SOCS6: variants seen among roughly 807,000 people sequenced by gnomAD.
The protein encoded by SOCS6 is STAT induced STAT inhibitor-4.
Under a neutral mutation model 27.7 loss-of-function variants are expected in SOCS6, and 5 were observed. The ratio of observed to expected loss-of-function variants is 0.18; its 90% CI spans 0.09 to 0.38. The LOEUF is 0.38. Ranked by LOEUF, SOCS6 falls within the 10% of genes least tolerant of loss-of-function variation. The probability of loss-of-function intolerance (pLI) is 1.00; values close to 1 mark genes in which losing one functional copy is unlikely to be tolerated. For missense variants in SOCS6, 595 were observed against 688.1 expected, an observed-to-expected ratio of 0.86 and a Z score of 1.51; for synonymous variants, 271 against 260.0, an observed-to-expected ratio of 1.04 and a Z score of -0.41.
At chr18:70,307,294 C>G (rs1283399984) in intron 1 of SOCS6, among the ~76,000 whole-genome samples, 4 of 152,148 alleles carry the variant, frequency 2.6e-5, no homozygotes, top group Admixed American at 6.6e-5. Context: ...TATCAGTGTT[C>G]ATGATGGATA....
intron 1 of SOCS6, among the ~76,000 whole-genome samples, chr18:70,317,284 T>C (rs961896812): frequency 1.3e-5 from 2 of 152,302 alleles, no homozygotes; most frequent in South Asian, 4.1e-4. Context: ...CTCGCACTTA[T>C]AAGTGAGAAC....
intron 1 of SOCS6, among the ~76,000 whole-genome samples, chr18:70,320,092 A>G (rs1234739773): frequency 6.6e-6 from 1 of 152,020 alleles, no homozygotes; most frequent in Non-Finnish European, 1.5e-5. Flanking sequence ...CCTGGGCTCA[A>G]GTGATTCTCC....
At position 70,325,929 on chromosome 18, in the gene SOCS6, A is replaced by G; in HGVS notation, c.1261A>G (p.Ser421Gly). ...TGACGACCGTTACCTTTTAAGCTTG[A>G]GCTTTCGCTCCCATGGTAAAACACT... ...SSDDRYLLSL[S>G]FRSHGKTLHT... Residue 421 changes from serine (S) to glycine (G), a missense_variant, in exon 2 of 2, where the codon AGC becomes GGC. Ser to Gly is a moderately conservative substitution (Grantham distance 56). Coordinates refer to ENST00000397942, the MANE Select transcript of SOCS6 (RefSeq NM_004232.4). The surrounding 1 kb of genome is among the most constrained non-coding windows in gnomAD (Gnocchi z 6.3). 1 of 1,614,198 alleles carries G rather than the reference A, an allele frequency of 6.2e-7. No homozygotes were observed.
intron 1 of SOCS6, 21 bp from the exon 2 acceptor site, chr18:70,324,522 T>C (rs1911111257): frequency 3.4e-6 from 2 of 588,290 alleles, no homozygotes; most frequent in Non-Finnish European, 5.8e-6. Context: ...ATATGACTCT[T>C]TTTATATTTT....
intron 1 of SOCS6, among the ~76,000 whole-genome samples, chr18:70,322,855 G>T (rs762355240): frequency 6.6e-6 from 1 of 152,100 alleles, no homozygotes; most frequent in Non-Finnish European, 1.5e-5. Flanking sequence ...CACACCACCC[G>T]AATCCTATCT....
intron 1 of SOCS6, among the ~76,000 whole-genome samples, chr18:70,317,044 T>A (rs1448518524): frequency 6.6e-6 from 1 of 152,232 alleles, no homozygotes; most frequent in Non-Finnish European, 1.5e-5. Context: ...GGAATTTACT[T>A]ATTTTTTATA....
At chr18:70,290,628 G>A (rs1038141165) in intron 1 of SOCS6, among the ~76,000 whole-genome samples, 3 of 152,140 alleles carry the variant, frequency 2.0e-5, no homozygotes, top group Non-Finnish European at 4.4e-5. Flanking sequence ...CTGCCTTGGT[G>A]CCTTGGAGGA....
intron 1 of SOCS6, among the ~76,000 whole-genome samples, chr18:70,306,938 A>G (rs547522798): frequency 2.0e-5 from 3 of 152,208 alleles, no homozygotes; most frequent in African/African-American, 7.2e-5. Flanking sequence ...TGCTTTTTAT[A>G]TGTTGCTGAA....
At chr18:70,306,471 C>T (rs1413595248) in intron 1 of SOCS6, among the ~76,000 whole-genome samples, 4 of 86,138 alleles carry the variant, frequency 4.6e-5, no homozygotes, top group Non-Finnish European at 9.2e-5. Flanking sequence ...GACAGAGACT[C>T]CATCTCAAAA....
Position 70,325,029 on chromosome 18 carries a change from C to A in SOCS6, c.361C>A (p.Pro121Thr), listed in dbSNP as rs1030056671. The change falls in exon 2 of 2, where the codon CCG becomes ACG. Residue 121 changes from proline to threonine, a missense_variant. This residue lies in a region of SOCS6 where 467 missense variants were observed against 481.1 expected (regional missense o/e 0.97). Transcript: ENST00000397942. The surrounding 1 kb of genome is among the most constrained non-coding windows in gnomAD (Gnocchi z 6.3). ...IVFKDVRAQR[P>T]IRSTSLRSHH... The stretch of plus-strand genomic sequence containing the variant: ...CTTTAAAGACGTGAGAGCTCAGAGG[C>A]CGATAAGGTCCACGTCGCTCCGCAG... 1 of 1,614,146 alleles carries A rather than the reference C, an allele frequency of 6.2e-7. No individual in the cohort carries two copies. Among genetic ancestry groups the A allele is most frequent in the African/African-American group, 1.3e-5 (1 of 75,056 alleles).
intron 1 of SOCS6, among the ~76,000 whole-genome samples, chr18:70,302,095 A>G (rs530305669): frequency 4.6e-5 from 7 of 152,112 alleles, no homozygotes; most frequent in Non-Finnish European, 8.8e-5. Flanking sequence ...TTGTTTATAT[A>G]TGAGAAATAA....
Position 70,325,634 on chromosome 18 carries a change from C to T in SOCS6, c.966C>T (p.Ile322=). The T allele has an allele frequency of 6.2e-7, 1 of 1,614,184 alleles. No individual in the cohort carries two copies. Among genetic ancestry groups the T allele is most frequent in the African/African-American group, 1.3e-5 (1 of 75,052 alleles). Residue 322 remains isoleucine (I), a synonymous_variant, in exon 2 of 2, where the codon ATC becomes ATT. Coordinates refer to ENST00000397942, the MANE Select transcript of SOCS6 (RefSeq NM_004232.4). This position sits in a 1 kb window ranked among gnomAD's most constrained non-coding sequence, Gnocchi z 6.3. The part of the protein sequence containing the change: ...PLLPPMQNNQ[I]QRNFSGLTGT... Reference sequence around the variant, plus strand: ...TACCTCCAATGCAGAATAATCAAATCCAAAGGAACTTCAGTGGACTCACTG... The same window carrying T: ...TACCTCCAATGCAGAATAATCAAATTCAAAGGAACTTCAGTGGACTCACTG...
At chr18:70,294,056 A>C (rs2062312345) in intron 1 of SOCS6, among the ~76,000 whole-genome samples, 1 of 151,208 alleles carries the variant, frequency 6.6e-6, no homozygotes, top group Non-Finnish European at 1.5e-5. Flanking sequence ...GTGCCACTGC[A>C]CTCCAGCCTG....
intron 1 of SOCS6, among the ~76,000 whole-genome samples, chr18:70,291,803 T>C (rs777151990): frequency 5.9e-5 from 9 of 152,192 alleles, no homozygotes; most frequent in African/African-American, 9.7e-5. Context: ...TTTGTAAAAT[T>C]ATTCATTTTA....
chr18:70,306,535 G>C (rs1160274483), intron 1 of SOCS6, among the ~76,000 whole-genome samples: 1 of 147,922 alleles, frequency 6.8e-6, no homozygotes, highest in East Asian at 2.0e-4. Flanking sequence ...TGTCAATTAT[G>C]AATAAAGATG....
chr18:70,308,420 C>T (rs2062377851), intron 1 of SOCS6, among the ~76,000 whole-genome samples: 1 of 151,816 alleles, frequency 6.6e-6, no homozygotes, highest in South Asian at 2.1e-4. Flanking sequence ...CTAGGTCTCA[C>T]TATGCTGTCC....
intron 1 of SOCS6, among the ~76,000 whole-genome samples, chr18:70,313,850 T>C (rs957286967): frequency 2.0e-5 from 3 of 152,362 alleles, no homozygotes; most frequent in Admixed American, 2.0e-4. Context: ...TGTCATTTTG[T>C]TGACTTTCTT....
Position 70,326,119 on chromosome 18 carries a change from C to G in SOCS6, c.1451C>G (p.Pro484Arg). 1 of 1,614,202 alleles carries G rather than the reference C, an allele frequency of 6.2e-7. No individual in the cohort carries two copies. The highest frequency in any genetic ancestry group is 8.5e-7 in the Non-Finnish European group (1 of 1,180,042). The change falls in exon 2 of 2, where the codon CCC becomes CGC. Residue 484 changes from proline (P) to arginine (R), a missense_variant. Coordinates refer to ENST00000397942, the MANE Select transcript of SOCS6 (RefSeq NM_004232.4). ...CGGCTGCCTGGATCTGCAACTTACC[C>G]CGTCAGACTGACCAACCCAGTGTCC... Reference protein sequence around the residue: ...RSRLPGSATYPVRLTNPVSRF... With the variant: ...RSRLPGSATYRVRLTNPVSRF...
intron 1 of SOCS6, among the ~76,000 whole-genome samples, chr18:70,321,310 CAG>C: frequency 1.0e-5 from 1 of 97,842 alleles, no homozygotes; most frequent in East Asian, 4.8e-4. Flanking sequence ...CAAATTTTCT[CAG>C]TTTTTTTTTT....
Sources: gnomAD v4.1 joint callset for allele counts (sites outside exome capture counted in the v4.1 genomes callset) on GRCh38, gnomAD v4.1.1 for gene constraint, gnomAD v4.1.1 regional missense constraint, Gnocchi (gnomAD v3.1) non-coding constraint, MANE v1.5 for transcripts, NCBI Gene and HGNC (gene_info 2026-07-23, HGNC 2026-07-21) for gene names.